Variants in CSMD1 observed in about 807,000 individuals in gnomAD.
The protein encoded by CSMD1 is CUB and sushi domain-containing protein 1.
A neutral mutation model predicts 417.5 loss-of-function variants in CSMD1; 213 were observed. The ratio of observed to expected loss-of-function variants is 0.51; its 90% confidence interval spans 0.46 to 0.57. CSMD1 has a LOEUF of 0.57. CSMD1 is among the 20% of genes least tolerant of loss of function. The pLI is 0.00. For missense variants in CSMD1, 6,923 were observed against 4,529.7 expected, an observed-to-expected ratio of 1.53 and a Z score of -15.17; for synonymous variants, 2,862 against 1,736.8, an observed-to-expected ratio of 1.65 and a Z score of -16.11.
chr8:4,084,802 G>T (rs1185194202), intron 3 of CSMD1, among the ~76,000 whole-genome samples: 4 of 149,130 alleles, frequency 2.7e-5, no homozygotes, highest in Non-Finnish European at 5.9e-5. Context: ...GTCCTGCTGA[G>T]CAAAAATTCC....
chr8:4,370,711 C>T lies in CSMD1; in HGVS notation c.415+49242G>A, dbSNP rs187024198. Among the ~76,000 whole-genome samples the T allele has an allele frequency of 4.1e-4, 63 of 152,286 alleles. 1 individual carries two copies. The highest frequency in any genetic ancestry group is 6.6e-4 in the Non-Finnish European group (45 of 68,026). On this transcript the variant is annotated intron_variant, in intron 3 of 69. Coordinates refer to ENST00000635120, the MANE Select transcript of CSMD1 (RefSeq NM_033225.6). ...AAGACCTGAGATTCTTTCCTCAGCT[C>T]GGTCTGTTATACAGTTAATGTCACC...
chr8:4,977,393 A>C (rs928538110), intron 1 of CSMD1, among the ~76,000 whole-genome samples: 7 of 152,160 alleles, frequency 4.6e-5, no homozygotes, highest in Non-Finnish European at 1.0e-4. Context: ...CACAAGTTGA[A>C]AGGATTTCAG....
intron 3 of CSMD1, among the ~76,000 whole-genome samples, chr8:4,246,671 CAACTT>C (rs781325781): frequency 6.6e-6 from 1 of 152,076 alleles, no homozygotes; most frequent in Non-Finnish European, 1.5e-5. Context: ...AAACAAAAAA[CAACTT>C]AACCCATTTT....
At chr8:3,894,824 G>A (rs1807245777) in intron 5 of CSMD1, among the ~76,000 whole-genome samples, 1 of 152,166 alleles carries the variant, frequency 6.6e-6, no homozygotes, top group Non-Finnish European at 1.5e-5. Flanking sequence ...CAAATTCACT[G>A]ACAAGGGTTT....
At chr8:3,784,240 T>A (rs554152431) in intron 5 of CSMD1, among the ~76,000 whole-genome samples, 18 of 152,204 alleles carry the variant, frequency 1.2e-4, no homozygotes, top group Non-Finnish European at 2.5e-4. Flanking sequence ...AAAGGATGTG[T>A]AAATAAATGT....
At chr8:3,431,913 G>A (rs1814240943) in intron 12 of CSMD1, among the ~76,000 whole-genome samples, 1 of 152,154 alleles carries the variant, frequency 6.6e-6, no homozygotes, top group South Asian at 2.1e-4. Flanking sequence ...CTTACTTCCT[G>A]CCTTGACATG....
intron 23 of CSMD1, among the ~76,000 whole-genome samples, chr8:3,311,475 C>T (rs934548438): frequency 1.3e-5 from 2 of 152,110 alleles, no homozygotes; most frequent in Non-Finnish European, 2.9e-5. Flanking sequence ...GTCTCAAACT[C>T]CTGACCTCAA....
intron 1 of CSMD1, among the ~76,000 whole-genome samples, chr8:4,681,274 T>C (rs1806036102): frequency 6.6e-6 from 1 of 152,168 alleles, no homozygotes; most frequent in African/African-American, 2.4e-5. Context: ...TCTGCTTGGC[T>C]TTTAACTTCT....
intron 23 of CSMD1, among the ~76,000 whole-genome samples, chr8:3,309,062 T>TGTCA (rs1282028714): frequency 6.6e-6 from 1 of 152,120 alleles, no homozygotes. Flanking sequence ...CAACTTCATC[T>TGTCA]GTCAGTCCAA....
intron 41 of CSMD1, among the ~76,000 whole-genome samples, chr8:3,122,149 A>T (rs911091241): frequency 6.6e-6 from 1 of 152,174 alleles, no homozygotes; most frequent in Admixed American, 6.5e-5. Context: ...AATCTTTATA[A>T]CTCAATATTT....
chr8:4,217,978 A>G (rs528811954), intron 3 of CSMD1, among the ~76,000 whole-genome samples: 5 of 152,224 alleles, frequency 3.3e-5, no homozygotes, highest in Non-Finnish European at 7.3e-5. Flanking sequence ...AGTTGGTGGG[A>G]AACAGTGAAG....
At chr8:4,710,667 A>C (rs975473360) in intron 1 of CSMD1, among the ~76,000 whole-genome samples, 4 of 151,286 alleles carry the variant, frequency 2.6e-5, no homozygotes, top group African/African-American at 9.7e-5. Flanking sequence ...AACAAGGTGA[A>C]ACCCCGTCTC....
intron 2 of CSMD1, among the ~76,000 whole-genome samples, chr8:4,456,759 G>T (rs919971125): frequency 6.6e-6 from 1 of 152,066 alleles, no homozygotes; most frequent in African/African-American, 2.4e-5. Flanking sequence ...TAGATCCTAG[G>T]GAGAAGACCC....
At chr8:3,272,515 T>C (rs77672232) in intron 26 of CSMD1, among the ~76,000 whole-genome samples, 18,418 of 117,582 alleles carry the variant, frequency 0.16, 1,849 homozygotes, top group African/African-American at 0.24. Flanking sequence ...TGTAAATTAC[T>C]TTGGGCAGTA....
At chr8:4,597,157 CTCAG>C (rs1800329145) in intron 2 of CSMD1, among the ~76,000 whole-genome samples, 1 of 152,008 alleles carries the variant, frequency 6.6e-6, no homozygotes, top group African/African-American at 2.4e-5. Flanking sequence ...GTTTCCTCTC[CTCAG>C]TCAAAACTTT....
rs1798638898 is a variant in CSMD1, at chr8:4,807,189, C to CT, written c.86-169632dup. ...AAGTGGATGACATTATTGTACCCAACTTTTCATTCCCATCTGCCTGTCCAC... is the reference window on the plus strand; with the variant it reads ...AAGTGGATGACATTATTGTACCCAACTTTTTCATTCCCATCTGCCTGTCCAC... On this transcript the variant is annotated intron_variant, in intron 1 of 69. Transcript: ENST00000635120. 3.3e-5 allele frequency among the ~76,000 whole-genome samples: 5 copies of CT among 152,292 alleles called. No individual in the cohort carries two copies. In the South Asian group the frequency reaches 1.0e-3, roughly 32 times the overall value.
At chr8:3,956,508 G>A (rs542096328) in intron 5 of CSMD1, among the ~76,000 whole-genome samples, 6 of 152,178 alleles carry the variant, frequency 3.9e-5, no homozygotes, top group Non-Finnish European at 7.4e-5. Context: ...GAAAAATAAA[G>A]AGGACAGGTG....
rs1033450950 is a variant in CSMD1 at position 3,589,722 on chromosome 8, C to T, written c.1098-3462G>A. On this transcript the variant is annotated intron_variant, in intron 8 of 69. Transcript: ENST00000635120. ...GTAGTTAATAACAGCATATTGTATA[C>T]TTGAAAATTGTCTGGAGAGATTTTG... Among the ~76,000 whole-genome samples the T allele has an allele frequency of 2.6e-5, 4 of 152,204 alleles. No individual in the cohort carries two copies. The East Asian group carries it at 7.7e-4, about 29-fold the overall frequency.
At chr8:3,874,884 T>G (rs994760422) in intron 5 of CSMD1, among the ~76,000 whole-genome samples, 1 of 152,088 alleles carries the variant, frequency 6.6e-6, no homozygotes, top group Non-Finnish European at 1.5e-5. Flanking sequence ...TGAGATCCAC[T>G]GCGATGCTGC....
Sources: gnomAD v4.1 joint callset for allele counts (sites outside exome capture counted in the v4.1 genomes callset) on GRCh38, gnomAD v4.1.1 for gene constraint, MANE v1.5 for transcripts, NCBI Gene and HGNC (gene_info 2026-07-23, HGNC 2026-07-21) for gene names.